CNTLN: variants seen among roughly 807,000 people sequenced by gnomAD.
CNTLN encodes the protein centlein.
A neutral mutation model predicts 180.0 loss-of-function variants in CNTLN; 212 were observed. The ratio of observed to expected loss-of-function variants is 1.18; its 90% CI spans 1.05 to 1.32. The LOEUF (loss-of-function observed/expected upper bound fraction) is 1.32, where lower values mean the gene tolerates loss of function less well. CNTLN is among the 40% of genes most tolerant of loss of function. CNTLN has a pLI of 0.00. For synonymous variants in CNTLN, 722 were observed against 563.1 expected, an observed-to-expected ratio of 1.28 and a Z score of -3.99; for missense variants, 2,095 against 1,610.9, an observed-to-expected ratio of 1.30 and a Z score of -5.14.
At chr9:17,154,046 C>G (rs1012108654) in intron 2 of CNTLN, among the ~76,000 whole-genome samples, 3 of 152,170 alleles carry the variant, frequency 2.0e-5, no homozygotes, top group Non-Finnish European at 4.4e-5. Flanking sequence ...TTCTAGTTAG[C>G]CATTTGACTG....
At chr9:17,484,246 C>A in intron 23 of CNTLN, 49 bp from the exon 24 acceptor site, 1 of 1,404,040 alleles carries the variant, frequency 7.1e-7, no homozygotes, top group South Asian at 1.4e-5. Context: ...ACTGCTTTGT[C>A]TTCATTATGA....
intron 19 of CNTLN, among the ~76,000 whole-genome samples, chr9:17,458,365 T>A (rs746541579): frequency 9.9e-5 from 15 of 152,018 alleles, no homozygotes; most frequent in Non-Finnish European, 2.1e-4. Flanking sequence ...TTTTCATGCT[T>A]CTTAAGCCCA....
intron 23 of CNTLN, among the ~76,000 whole-genome samples, chr9:17,472,693 A>C (rs1300510331): frequency 6.6e-6 from 1 of 152,162 alleles, no homozygotes; most frequent in African/African-American, 2.4e-5. Context: ...ATTGGGAAGA[A>C]AAATCTCATA....
At chr9:17,276,116 C>A (rs12006309) in intron 6 of CNTLN, among the ~76,000 whole-genome samples, 2,794 of 152,124 alleles carry the variant, frequency 0.018, 85 homozygotes, top group African/African-American at 0.064. Context: ...TACACATATA[C>A]CCCCTGTATC....
At chr9:17,206,160 C>G (rs372493535) in intron 2 of CNTLN, among the ~76,000 whole-genome samples, 15 of 152,160 alleles carry the variant, frequency 9.9e-5, no homozygotes, top group African/African-American at 3.4e-4. Context: ...GCTAACATTT[C>G]TGGATGGATA....
intron 2 of CNTLN, among the ~76,000 whole-genome samples, chr9:17,213,016 C>A (rs1477293370): frequency 1.3e-5 from 2 of 152,128 alleles, no homozygotes; most frequent in African/African-American, 2.4e-5. Context: ...CTGCTAGATT[C>A]ATTGATTTTT....
intron 15 of CNTLN, 56 bp downstream of exon 15, chr9:17,395,125 C>A: frequency 6.6e-7 from 1 of 1,511,190 alleles, no homozygotes; most frequent in South Asian, 1.4e-5. Context: ...ATGTAAAGCA[C>A]TAGCAAATGG....
At chr9:17,225,940 G>A (rs1329829732) in intron 2 of CNTLN, among the ~76,000 whole-genome samples, 1 of 151,886 alleles carries the variant, frequency 6.6e-6, no homozygotes, top group South Asian at 2.1e-4. Context: ...TTTTCAAAGC[G>A]ATGACAGTAT....
At chr9:17,232,092 T>A (rs1285177742) in intron 3 of CNTLN, among the ~76,000 whole-genome samples, 1 of 152,102 alleles carries the variant, frequency 6.6e-6, no homozygotes, top group Admixed American at 6.6e-5. Flanking sequence ...AGCTTAATTT[T>A]AAAATGAACT....
At chr9:17,453,506 A>T (rs1245017210) in intron 18 of CNTLN, among the ~76,000 whole-genome samples, 1 of 152,032 alleles carries the variant, frequency 6.6e-6, no homozygotes. Context: ...GGTGTTGATT[A>T]AAAAAAATCA....
chr9:17,410,558 C>A (rs1564081969), intron 16 of CNTLN, among the ~76,000 whole-genome samples: 1 of 152,030 alleles, frequency 6.6e-6, no homozygotes, highest in Non-Finnish European at 1.5e-5. Flanking sequence ...CCAAACTTAC[C>A]AATTTTTTGT....
chr9:17,487,112 T>C, intron 25 of CNTLN, 46 bp downstream of exon 25: 1 of 1,292,086 alleles, frequency 7.7e-7, no homozygotes, highest in South Asian at 1.2e-5. Context: ...AAATAAGAAT[T>C]CCAAGCCTTA....
intron 18 of CNTLN, among the ~76,000 whole-genome samples, chr9:17,421,254 C>T (rs796124079): frequency 3.9e-5 from 6 of 152,204 alleles, no homozygotes; most frequent in African/African-American, 1.4e-4. Context: ...TACTCCGGTG[C>T]TGGATATATA....
Position 17,478,834 on chromosome 9 carries a change from GT to G in CNTLN, c.3856-5460del, listed in dbSNP as rs1411302518. ...TATTCTGTTCCATTGGTCTATGTCT[GT>G]CTTTTTGCCAGTATCATACTCTTTT... is the stretch of plus-strand genomic sequence containing the variant. On this transcript the variant is annotated intron_variant, in intron 23 of 25. Transcript: ENST00000380647. Among the ~76,000 whole-genome samples the G allele has an allele frequency of 2.0e-5, 3 of 152,172 alleles. No individual in the cohort carries two copies. The East Asian group carries it at 5.8e-4, about 29-fold the overall frequency.
At chr9:17,428,916 T>A (rs1303598727) in intron 18 of CNTLN, among the ~76,000 whole-genome samples, 5 of 151,874 alleles carry the variant, frequency 3.3e-5, no homozygotes, top group Admixed American at 6.6e-5. Flanking sequence ...ATTTACTTTT[T>A]AAAAAAATTA....
intron 8 of CNTLN, among the ~76,000 whole-genome samples, chr9:17,314,402 T>A (rs1457408769): frequency 6.6e-6 from 1 of 152,222 alleles, no homozygotes; most frequent in Non-Finnish European, 1.5e-5. Context: ...AATATATGAA[T>A]CAGAATTTTA....
chr9:17,296,017 T>C (rs1048276990), intron 6 of CNTLN, among the ~76,000 whole-genome samples: 4 of 147,656 alleles, frequency 2.7e-5, no homozygotes, highest in Non-Finnish European at 5.9e-5. Flanking sequence ...TGTGTGTGTG[T>C]GTGTGTGTGT....
At chr9:17,491,218 G>T (rs573922457) in intron 25 of CNTLN, among the ~76,000 whole-genome samples, 5 of 151,910 alleles carry the variant, frequency 3.3e-5, no homozygotes, top group African/African-American at 1.2e-4. Context: ...GCCTGTGCTC[G>T]GGAATCATTA....
chr9:17,307,972 C>CCACACACACA (rs3837233), intron 7 of CNTLN, among the ~76,000 whole-genome samples: 171 of 137,906 alleles, frequency 1.2e-3, no homozygotes, highest in Admixed American at 2.8e-3. Context: ...GCCTTTAAAA[C>CCACACACACA]CACACACACA....
Sources: allele counts gnomAD v4.1 joint callset (sites outside exome capture counted in the v4.1 genomes callset), GRCh38; gene constraint gnomAD v4.1.1; transcripts MANE v1.5; gene names NCBI Gene and HGNC (gene_info 2026-07-23, HGNC 2026-07-21).